Variants in PAPPA2 observed in about 807,000 individuals in gnomAD.
PAPPA2 encodes pappalysin 2.
In PAPPA2, 86 loss-of-function variants were observed where a neutral mutation model predicts 176.4. That is an observed-to-expected ratio of 0.49 (90% CI 0.41 to 0.58). The LOEUF (loss-of-function observed/expected upper bound fraction) is 0.58, where lower values mean the gene tolerates loss of function less well. Ranked by LOEUF, PAPPA2 falls within the 20% of genes least tolerant of loss-of-function variation. The pLI is 0.00. For synonymous variants in PAPPA2, 809 were observed against 852.2 expected (o/e 0.95, Z 0.88); for missense variants, 2,073 against 2,256.9 (o/e 0.92, Z 1.65).
chr1:176,584,854 C>T (rs919514971), intron 2 of PAPPA2, among the ~76,000 whole-genome samples: 1 of 152,148 alleles, frequency 6.6e-6, no homozygotes, highest in Non-Finnish European at 1.5e-5. Flanking sequence ...CTGCCTCAAC[C>T]TCCTGGGTAG....
intron 3 of PAPPA2, among the ~76,000 whole-genome samples, chr1:176,613,827 T>C (rs1441443833): frequency 1.3e-5 from 2 of 152,128 alleles, no homozygotes; most frequent in Non-Finnish European, 2.9e-5. Context: ...GCCTGTCAAA[T>C]GGGTAATGTG....
intron 1 of PAPPA2, among the ~76,000 whole-genome samples, chr1:176,476,374 C>T (rs1652126688): frequency 6.6e-6 from 1 of 152,194 alleles, no homozygotes; most frequent in Non-Finnish European, 1.5e-5. Context: ...ATACTTTGTT[C>T]TCTGCCATAC....
intron 3 of PAPPA2, among the ~76,000 whole-genome samples, chr1:176,600,447 C>T (rs865944826): frequency 1.5e-4 from 23 of 151,724 alleles, no homozygotes; most frequent in African/African-American, 5.1e-4. Context: ...GAGGCCGAGG[C>T]GGGCGGATCA....
intron 12 of PAPPA2, among the ~76,000 whole-genome samples, chr1:176,738,845 T>C (rs1662537435): frequency 1.3e-5 from 2 of 151,386 alleles, no homozygotes; most frequent in South Asian, 4.2e-4. Context: ...TTTTCTTTTC[T>C]TTTTTTTTCT....
chr1:176,615,126 G>A (rs1359790066), intron 3 of PAPPA2, among the ~76,000 whole-genome samples: 5 of 152,144 alleles, frequency 3.3e-5, no homozygotes, highest in Non-Finnish European at 5.9e-5. Context: ...TATTCTATAT[G>A]TTCTGTACAA....
Position 176,699,528 on chromosome 1 carries a change from C to T in PAPPA2, c.3175C>T (p.Pro1059Ser), listed in dbSNP as rs867975623. The T allele has an allele frequency of 1.2e-6, 2 of 1,613,072 alleles. No homozygotes were observed. The highest frequency in any genetic ancestry group is 8.5e-7 in the Non-Finnish European group (1 of 1,179,178). Residue 1059 changes from proline (P) to serine (S), a missense_variant, in exon 8 of 23, where the codon CCC becomes TCC. Pro to Ser is a moderately conservative substitution (Grantham distance 74). Coordinates refer to ENST00000367662, the MANE Select transcript of PAPPA2 (RefSeq NM_020318.3). ...RPVRYQVLRD[P>S]PFASGLPVVV... ...TGTGAGGTACCAGGTTCTCCGCGAT[C>T]CCCCATTTGCCAGTGGTTTGCCCGT...
intron 4 of PAPPA2, among the ~76,000 whole-genome samples, chr1:176,673,394 A>G (rs1659114305): frequency 6.6e-6 from 1 of 152,126 alleles, no homozygotes; most frequent in South Asian, 2.1e-4. Context: ...CAGAGGGGAT[A>G]TATAACACTG....
At chr1:176,516,248 C>T (rs748741852) in intron 1 of PAPPA2, among the ~76,000 whole-genome samples, 18 of 151,466 alleles carry the variant, frequency 1.2e-4, no homozygotes, top group East Asian at 3.9e-4. Context: ...TTTCTGTCCT[C>T]GGAGTCAAAT....
intron 8 of PAPPA2, among the ~76,000 whole-genome samples, chr1:176,700,736 G>A (rs1558528918): frequency 6.6e-6 from 1 of 152,152 alleles, no homozygotes; most frequent in African/African-American, 2.4e-5. Context: ...AGACTCAATG[G>A]GTGGCGAAAT....
chr1:176,821,456 A>T (rs1446692878), intron 21 of PAPPA2, among the ~76,000 whole-genome samples: 1 of 152,368 alleles, frequency 6.6e-6, no homozygotes, highest in East Asian at 1.9e-4. Flanking sequence ...ATAAAGCTGC[A>T]TAACAAAATA....
chr1:176,466,715 A>G (rs1651635366), intron 1 of PAPPA2, among the ~76,000 whole-genome samples: 1 of 152,168 alleles, frequency 6.6e-6, no homozygotes, highest in Admixed American at 6.5e-5. Flanking sequence ...GCCATGGGCT[A>G]TGAACCCCAC....
intron 15 of PAPPA2, among the ~76,000 whole-genome samples, chr1:176,768,422 GT>G (rs1664075057): frequency 6.6e-6 from 1 of 152,078 alleles, no homozygotes; most frequent in Non-Finnish European, 1.5e-5. Context: ...GCATATTTGT[GT>G]TTTCTTTCTT....
intron 1 of PAPPA2, among the ~76,000 whole-genome samples, chr1:176,525,041 CA>C (rs962450408): frequency 1.1e-4 from 16 of 143,454 alleles, no homozygotes; most frequent in East Asian, 6.1e-4. Context: ...GACTCCGTCT[CA>C]AAAAAAAAAA....
chr1:176,486,271 G>A (rs191390938), intron 1 of PAPPA2, among the ~76,000 whole-genome samples: 3 of 152,246 alleles, frequency 2.0e-5, no homozygotes, highest in East Asian at 3.9e-4. Context: ...GGCATATCTC[G>A]ATCTCCTTCA....
intron 1 of PAPPA2, among the ~76,000 whole-genome samples, chr1:176,471,774 A>C (rs962943280): frequency 1.1e-4 from 17 of 152,058 alleles, no homozygotes; most frequent in African/African-American, 3.9e-4. Flanking sequence ...TTTCCTTCCA[A>C]ACTTCTCTTT....
Position 176,843,188 on chromosome 1 carries a change from G to C in PAPPA2, c.*734G>C, listed in dbSNP as rs1667546124. 1 of 152,046 alleles carries C rather than the reference G, an allele frequency of 6.6e-6. No homozygotes were observed. The allele number at this position is 152,046 out of a possible 1,614,324, so 9.4% of individuals were successfully genotyped here. On this transcript the variant is annotated 3_prime_UTR_variant, in exon 23 of 23. Coordinates refer to ENST00000367662, the MANE Select transcript of PAPPA2 (RefSeq NM_020318.3). ...GTTGAATGGGAAGTACAGAAGGAGA[G>C]AGAGTAATTAGATGGAATTCTGGAT...
At chr1:176,611,254 C>T (rs1654907838) in intron 3 of PAPPA2, among the ~76,000 whole-genome samples, 2 of 152,098 alleles carry the variant, frequency 1.3e-5, no homozygotes. Context: ...CATAATGTCA[C>T]AGAGAATTGG....
chr1:176,702,645 T>G lies in PAPPA2; in HGVS notation c.3275T>G (p.Leu1092Arg). 6.2e-7 allele frequency: 1 copy of G among 1,614,118 alleles called. No homozygotes were observed. Among genetic ancestry groups the G allele is most frequent in the Non-Finnish European group, 8.5e-7 (1 of 1,180,000 alleles). ...GGACAGATGTATCAGTACCAAGTTC[T>G]AGCTGAAGCTGGAGGAGAACTGGGA... ...TPGQMYQYQV[L>R]AEAGGELGEA... Residue 1092 changes from leucine to arginine, a missense_variant, in exon 9 of 23, where the codon CTA (leucine) becomes CGA (arginine). By Grantham distance (102) the Leu-to-Arg change is moderately radical. This residue lies in a region of PAPPA2 where 846 missense variants were observed against 857.9 expected (regional missense o/e 0.99). Coordinates refer to ENST00000367662, the MANE Select transcript of PAPPA2 (RefSeq NM_020318.3).
At chr1:176,536,912 A>G (rs1650095360) in intron 1 of PAPPA2, among the ~76,000 whole-genome samples, 2 of 151,964 alleles carry the variant, frequency 1.3e-5, no homozygotes. Context: ...ATATTATCTC[A>G]TTTAATCAGT....
Sources: gnomAD v4.1 joint callset for allele counts (sites outside exome capture counted in the v4.1 genomes callset) on GRCh38, gnomAD v4.1.1 for gene constraint, gnomAD v4.1.1 regional missense constraint, MANE v1.5 for transcripts, NCBI Gene and HGNC (gene_info 2026-07-23, HGNC 2026-07-21) for gene names.